FHOD3: variants seen among roughly 807,000 people sequenced by gnomAD.
FHOD3 encodes the protein formin homology 2 domain containing 3, also known as FH1/FH2 domain-containing protein 3.
FHOD3 carries 90 observed loss-of-function variants against 173.0 expected under a neutral mutation model. The observed-to-expected ratio is 0.52, with a 90% CI of 0.44 to 0.62. The LOEUF is 0.62. Among genes scored for constraint, FHOD3 ranks in the 20% least tolerant of loss-of-function variants. The probability of loss-of-function intolerance (pLI) is 0.00; values close to 1 mark genes in which losing one functional copy is unlikely to be tolerated. For missense variants in FHOD3, 1,945 were observed against 2,034.7 expected, an observed-to-expected ratio of 0.96 and a Z score of 0.85; for synonymous variants, 828 against 823.0, an observed-to-expected ratio of 1.01 and a Z score of -0.10.
At chr18:36,592,693 T>C (rs1191825640) in intron 6 of FHOD3, among the ~76,000 whole-genome samples, 1 of 151,870 alleles carries the variant, frequency 6.6e-6, no homozygotes, top group Non-Finnish European at 1.5e-5. Flanking sequence ...GCTGTGGAGA[T>C]GGGGTGAGGG....
intron 6 of FHOD3, among the ~76,000 whole-genome samples, chr18:36,577,467 A>C (rs1279014561): frequency 6.6e-6 from 1 of 152,042 alleles, no homozygotes; most frequent in Non-Finnish European, 1.5e-5. Context: ...CCCTGGGCTA[A>C]TTTTTGTATT....
intron 8 of FHOD3, 29 bp downstream of exon 8, chr18:36,602,797 G>A: frequency 6.5e-7 from 1 of 1,530,264 alleles, no homozygotes; most frequent in Non-Finnish European, 9.1e-7. Flanking sequence ...GGGTTGAATT[G>A]CGTCACCTAA....
At chr18:36,606,612 C>G (rs184119857) in intron 8 of FHOD3, among the ~76,000 whole-genome samples, 14 of 152,242 alleles carry the variant, frequency 9.2e-5, no homozygotes, top group Admixed American at 7.2e-4. Context: ...CCCATTAGCC[C>G]CAAAGTCTTA....
At chr18:36,711,292 C>A (rs2040158110) in intron 18 of FHOD3, 1 of 152,112 alleles carries the variant, frequency 6.6e-6, no homozygotes, top group Non-Finnish European at 1.5e-5. Context: ...CACAGAGCAA[C>A]CTTAGAGATA....
At chr18:36,521,234 C>G (rs1451407163) in intron 5 of FHOD3, among the ~76,000 whole-genome samples, 1 of 152,116 alleles carries the variant, frequency 6.6e-6, no homozygotes, top group Non-Finnish European at 1.5e-5. Flanking sequence ...CACGCCTTTT[C>G]TAACCCTGTG....
chr18:36,536,350 T>C (rs2056991740), intron 5 of FHOD3, among the ~76,000 whole-genome samples: 1 of 152,264 alleles, frequency 6.6e-6, no homozygotes. Flanking sequence ...ACACTTTGAT[T>C]TTAAACCATT....
chr18:36,362,830 GA>G lies in FHOD3; in HGVS notation c.272+7192del, dbSNP rs1333428899. Among the ~76,000 whole-genome samples, 3 of 152,122 alleles carry G rather than the reference GA, an allele frequency of 2.0e-5. No homozygotes were observed. The East Asian group carries it at 5.8e-4, about 29-fold the overall frequency. On this transcript the variant is annotated intron_variant, in intron 2 of 28. Coordinates refer to ENST00000590592, the MANE Select transcript of FHOD3 (RefSeq NM_001281740.3). ...AATTTTTGACTATATTTTTATCATG[GA>G]AAAAAAGTGGATATTAAGACAATGA... is the stretch of plus-strand genomic sequence containing the variant.
At chr18:36,363,594 G>A (rs576961750) in intron 2 of FHOD3, among the ~76,000 whole-genome samples, 22 of 152,300 alleles carry the variant, frequency 1.4e-4, no homozygotes, top group Non-Finnish European at 2.9e-4. Context: ...AAGGCAAAAA[G>A]CTATGGAGAC....
At chr18:36,432,648 C>T (rs559112966) in intron 3 of FHOD3, among the ~76,000 whole-genome samples, 2 of 152,296 alleles carry the variant, frequency 1.3e-5, no homozygotes, top group South Asian at 4.1e-4. Context: ...AGGGAGGAAG[C>T]AGGCAAGCAG....
At chr18:36,423,119 C>A (rs1475911201) in intron 3 of FHOD3, among the ~76,000 whole-genome samples, 1 of 151,996 alleles carries the variant, frequency 6.6e-6, no homozygotes, top group African/African-American at 2.4e-5. Context: ...GATTCACACC[C>A]CCCCCAAACT....
At chr18:36,533,360 G>T (rs1027591402) in intron 5 of FHOD3, among the ~76,000 whole-genome samples, 5 of 152,248 alleles carry the variant, frequency 3.3e-5, no homozygotes, top group African/African-American at 1.2e-4. Context: ...GAAGGGACAG[G>T]GCTGGGACAG....
chr18:36,602,897 G>T, intron 8 of FHOD3, 129 bp downstream of exon 8: 1 of 715,512 alleles, frequency 1.4e-6, no homozygotes, highest in Non-Finnish European at 2.4e-6. Context: ...GGTTGTGAGG[G>T]TGGGCTCTGA....
chr18:36,438,466 G>A (rs911644085), intron 3 of FHOD3, among the ~76,000 whole-genome samples: 1 of 152,130 alleles, frequency 6.6e-6, no homozygotes, highest in African/African-American at 2.4e-5. Context: ...AGCTTCTCTG[G>A]CTGTGGCTTC....
chr18:36,675,047 G>A (rs1352150599), intron 14 of FHOD3, among the ~76,000 whole-genome samples: 1 of 152,144 alleles, frequency 6.6e-6, no homozygotes, highest in Non-Finnish European at 1.5e-5. Context: ...TTTGAGCTCA[G>A]TGTCTTCCCA....
At chr18:36,512,670 CT>C in intron 5 of FHOD3, 127 bp downstream of exon 5, 1 of 654,946 alleles carries the variant, frequency 1.5e-6, no homozygotes, top group South Asian at 1.8e-5. Flanking sequence ...TAAAGACACC[CT>C]TTGGCAAAAA....
At chr18:36,670,312 A>G (rs1214821548) in intron 14 of FHOD3, among the ~76,000 whole-genome samples, 1 of 152,078 alleles carries the variant, frequency 6.6e-6, no homozygotes, top group Non-Finnish European at 1.5e-5. Context: ...TTATTTCTTT[A>G]AAAATGTTTG....
intron 5 of FHOD3, among the ~76,000 whole-genome samples, chr18:36,547,223 C>A (rs1277086559): frequency 1.3e-5 from 2 of 152,154 alleles, no homozygotes; most frequent in Admixed American, 6.5e-5. Flanking sequence ...CGGCCTGTTC[C>A]TAGGTGCGCA....
chr18:36,604,031 C>G (rs777003915), intron 8 of FHOD3, among the ~76,000 whole-genome samples: 3 of 152,160 alleles, frequency 2.0e-5, no homozygotes, highest in Non-Finnish European at 2.9e-5. Context: ...CCTCCCTGAT[C>G]ACCACCTTGT....
chr18:36,604,410 G>T (rs1171839808), intron 8 of FHOD3, among the ~76,000 whole-genome samples: 1 of 152,192 alleles, frequency 6.6e-6, no homozygotes, highest in East Asian at 1.9e-4. Flanking sequence ...CAGACTCTGA[G>T]GATTACAACA....
Sources: gnomAD v4.1 joint callset for allele counts (sites outside exome capture counted in the v4.1 genomes callset) on GRCh38, gnomAD v4.1.1 for gene constraint, MANE v1.5 for transcripts, NCBI Gene and HGNC (gene_info 2026-07-23, HGNC 2026-07-21) for gene names.